The following COL1A2 variants were observed in gnomAD, a reference collection of about 807,000 sequenced individuals.
The protein encoded by COL1A2 is collagen alpha-2(I) chain.
Under a neutral mutation model 174.3 loss-of-function variants are expected in COL1A2, and 49 were observed. The observed-to-expected ratio is 0.28, with a 90% CI of 0.22 to 0.36. The LOEUF (loss-of-function observed/expected upper bound fraction) is 0.36. COL1A2 is among the 10% of genes least tolerant of loss of function. The pLI, the probability that COL1A2 is intolerant of heterozygous loss-of-function variation, is 1.00. For synonymous variants in COL1A2, 655 were observed against 606.6 expected, an observed-to-expected ratio of 1.08 and a Z score of -1.17; for missense variants, 1,438 against 1,822.7, an observed-to-expected ratio of 0.79 and a Z score of 3.84.
chr7:94,405,786 AGTATGTT>A, intron 11 of COL1A2, 60 bp downstream of exon 11: 1 of 1,328,486 alleles, frequency 7.5e-7, no homozygotes. Flanking sequence ...AAAAAACTCA[AGTATGTT>A]TAAAATCTTG....
intron 12 of COL1A2, among the ~76,000 whole-genome samples, chr7:94,407,351 C>A (rs1005169296): frequency 1.5e-5 from 2 of 137,134 alleles, no homozygotes; most frequent in African/African-American, 7.2e-5. Flanking sequence ...CCCACTACTA[C>A]TACTACTACT....
chr7:94,425,630 T>C lies in COL1A2; in HGVS notation c.2802T>C (p.Gly934=), dbSNP rs1379123302. 2 of 1,614,014 alleles carry C rather than the reference T, an allele frequency of 1.2e-6. No homozygotes were observed. The highest frequency in any genetic ancestry group is 1.7e-5 in the Admixed American group (1 of 60,010). ...CACAGGGCAACCCTGGGAACGATGG[T>C]CCCCCAGGTCGCGATGGTCAACCCG... is the stretch of plus-strand genomic sequence containing the variant. ...AGRDGNPGND[G]PPGRDGQPGH... Residue 934 remains glycine (G), a synonymous_variant, in exon 43 of 52, where the codon GGT becomes GGC. Coordinates refer to ENST00000297268, the MANE Select transcript of COL1A2 (RefSeq NM_000089.4).
chr7:94,400,886 C>A (rs952516120), intron 5 of COL1A2, among the ~76,000 whole-genome samples: 6 of 152,094 alleles, frequency 3.9e-5, no homozygotes, highest in Admixed American at 2.6e-4. Flanking sequence ...GATTCTAATA[C>A]CCAACTGTAT....
chr7:94,422,118 G>T, intron 39 of COL1A2, 166 bp downstream of exon 39: 4 of 525,738 alleles, frequency 7.6e-6, no homozygotes, highest in South Asian at 3.2e-5. Context: ...TTCATCACAA[G>T]TTATATTTTA....
Position 94,423,615 on chromosome 7 carries a change from G to A in COL1A2, c.2565+497G>A, listed in dbSNP as rs143118251. 8.9e-3 allele frequency: 1,560 copies of A among 176,064 alleles called. 24 individuals carry two copies. The highest frequency in any genetic ancestry group is 0.035 in the African/African-American group (1,470 of 41,622). 10.9% of individuals were successfully genotyped at this position (176,064 alleles called of 1,614,324 possible). On this transcript the variant is annotated intron_variant, in intron 40 of 51. Coordinates refer to ENST00000297268, the MANE Select transcript of COL1A2 (RefSeq NM_000089.4). ...TTTTGTTTTTGTTTTTTTGTTTTGGGATGGAGTTCCCCTCTGTTGCCCAGG... is the reference window on the plus strand; with the variant it reads ...TTTTGTTTTTGTTTTTTTGTTTTGGAATGGAGTTCCCCTCTGTTGCCCAGG...
At position 94,412,622 on chromosome 7, in the gene COL1A2, C is replaced by T. The variant is rs757839011; in HGVS notation, c.1443C>T (p.Gly481=). The part of the protein sequence containing the change: ...PGIDGRPGPI[G]PAGARGEPGN... ...TCGACGGCAGGCCTGGCCCAATTGG[C>T]CCAGCTGGAGCAAGAGGAGAGCCTG... Residue 481 remains glycine, a synonymous_variant, in exon 25 of 52, where the codon GGC becomes GGT. Transcript: ENST00000297268. 6.2e-6 allele frequency: 10 copies of T among 1,614,068 alleles called. No individual in the cohort carries two copies. In the South Asian group the frequency reaches 9.9e-5, roughly 16 times the overall value.
chr7:94,412,968 G>T, intron 25 of COL1A2, 115 bp from the exon 26 acceptor site: 1 of 1,004,682 alleles, frequency 1.0e-6, no homozygotes, highest in Non-Finnish European at 1.6e-6. Context: ...CCACAGACTA[G>T]GGATCTCAAA....
At chr7:94,420,141 CTCTG>C in intron 34 of COL1A2, 88 bp from the exon 35 acceptor site, 4 of 1,541,366 alleles carry the variant, frequency 2.6e-6, no homozygotes, top group African/African-American at 1.4e-5. Context: ...CAACTACAGA[CTCTG>C]TCTGTCCACC....
rs1031790047 is a variant in COL1A2 at position 94,425,944 on chromosome 7, G to T, written c.2944-54G>T. The stretch of plus-strand genomic sequence containing the variant: ...CCACACTTGGGGATGGTGGAGGAGT[G>T]GGGAGGGGTATCTTGGGCCTAGCTA... On this transcript the variant is annotated intron_variant, in intron 44 of 51. Transcript: ENST00000297268. The T allele has an allele frequency of 3.7e-6, 6 of 1,605,928 alleles. No homozygotes were observed. The Admixed American group carries it at 1.0e-4, about 27-fold the overall frequency.
chr7:94,406,276 G>A lies in COL1A2; in HGVS notation c.567G>A (p.Lys189=). 6.2e-7 allele frequency: 1 copy of A among 1,613,970 alleles called. No homozygotes were observed. The highest frequency in any genetic ancestry group is 8.5e-7 in the Non-Finnish European group (1 of 1,179,878). The change falls in exon 12 of 52, where the codon AAG becomes AAA. Residue 189 remains lysine, a synonymous_variant. Transcript: ENST00000297268. The part of the protein sequence containing the change: ...IRGHNGLDGL[K]GQPGAPGVKG... ...GACACAATGGTCTGGATGGATTGAA[G>A]GGACAGCCCGGTGCTCCTGGTGTGA... is the stretch of plus-strand genomic sequence containing the variant.
intron 29 of COL1A2, among the ~76,000 whole-genome samples, chr7:94,414,495 G>C (rs1791996774): frequency 6.6e-6 from 1 of 152,168 alleles, no homozygotes. Context: ...ATCACCTTAT[G>C]AAAGTAAAAT....
chr7:94,401,603 C>A lies in COL1A2; in HGVS notation c.262C>A (p.Leu88Ile). Reference sequence around the variant, plus strand: ...TCAGTATGATGGAAAAGGAGTTGGACTTGGCCCTGGACCAATGGTATGCTT... The same window carrying A: ...TCAGTATGATGGAAAAGGAGTTGGAATTGGCCCTGGACCAATGGTATGCTT... Reference protein sequence around the residue: ...AAQYDGKGVGLGPGPMGLMGP... With the variant: ...AAQYDGKGVGIGPGPMGLMGP... Residue 88 changes from leucine to isoleucine, a missense_variant, in exon 6 of 52, where the codon CTT becomes ATT. Leu to Ile is a conservative substitution (Grantham distance 5, BLOSUM62 2). This residue lies in a region of COL1A2 where 281 missense variants were observed against 310.9 expected (regional missense o/e 0.90). Coordinates refer to ENST00000297268, the MANE Select transcript of COL1A2 (RefSeq NM_000089.4). 1 of 1,578,498 alleles carries A rather than the reference C, an allele frequency of 6.3e-7. No individual in the cohort carries two copies. Among genetic ancestry groups the A allele is most frequent in the Non-Finnish European group, 8.6e-7 (1 of 1,160,436 alleles).
intron 29 of COL1A2, 26 bp downstream of exon 29, chr7:94,414,301 A>G (rs370621038): frequency 1.5e-4 from 248 of 1,602,314 alleles, no homozygotes; most frequent in Middle Eastern, 6.6e-4. Flanking sequence ...AATAGTAAGT[A>G]GTAACTACTA....
chr7:94,424,626 A>C (rs1792236629), intron 41 of COL1A2, 183 bp downstream of exon 41: 1 of 598,908 alleles, frequency 1.7e-6, no homozygotes, highest in African/African-American at 1.9e-5. Flanking sequence ...TTAGACACAC[A>C]CTATAAAGAC....
intron 6 of COL1A2, among the ~76,000 whole-genome samples, chr7:94,403,513 A>G (rs1791731857): frequency 6.6e-6 from 1 of 152,216 alleles, no homozygotes; most frequent in Non-Finnish European, 1.5e-5. Flanking sequence ...CATGATGTCA[A>G]AGAAAATTAT....
At chr7:94,416,890 T>G in intron 31 of COL1A2, 1 of 182,748 alleles carries the variant, frequency 5.5e-6, no homozygotes, top group Admixed American at 5.5e-5. Context: ...AGTCTGACTT[T>G]TAATAATAAG....
rs1370115881 is a variant in COL1A2 at position 94,425,640 on chromosome 7, C to T, written c.2812C>T (p.Arg938Cys). ...CCCTGGGAACGATGGTCCCCCAGGT[C>T]GCGATGGTCAACCCGGACACAAGGT... is the stretch of plus-strand genomic sequence containing the variant. ...GNPGNDGPPGRDGQPGHKGER... is the reference protein window; with the variant it reads ...GNPGNDGPPGCDGQPGHKGER... Residue 938 changes from arginine to cysteine, a missense_variant, in exon 43 of 52, where the codon CGC becomes TGC. Transcript: ENST00000297268. The T allele has an allele frequency of 1.2e-6, 2 of 1,614,056 alleles. No individual in the cohort carries two copies. The highest frequency in any genetic ancestry group is 1.7e-6 in the Non-Finnish European group (2 of 1,179,988).
intron 5 of COL1A2, among the ~76,000 whole-genome samples, chr7:94,400,492 G>A (rs957121704): frequency 2.0e-5 from 3 of 152,022 alleles, no homozygotes; most frequent in African/African-American, 7.2e-5. Flanking sequence ...TGGTCTTTGT[G>A]TGCACTGAAG....
At chr7:94,429,155 C>G (rs1792347692) in intron 50 of COL1A2, 33 bp from the exon 51 acceptor site, 1 of 1,566,080 alleles carries the variant, frequency 6.4e-7, no homozygotes, top group African/African-American at 1.4e-5. Flanking sequence ...AGTCCTTCTC[C>G]ACTTAACTGG....
Sources: gnomAD v4.1 joint callset for allele counts (sites outside exome capture counted in the v4.1 genomes callset) on GRCh38, gnomAD v4.1.1 for gene constraint, gnomAD v4.1.1 regional missense constraint, MANE v1.5 for transcripts, NCBI Gene and HGNC (gene_info 2026-07-23, HGNC 2026-07-21) for gene names.